PPP2R2B: variants seen among roughly 807,000 people sequenced by gnomAD.
The protein encoded by PPP2R2B is serine/threonine-protein phosphatase 2A 55 kDa regulatory subunit B beta isoform.
In PPP2R2B, 5 loss-of-function variants were observed where a neutral mutation model predicts 46.0. The ratio of observed to expected loss-of-function variants is 0.11; its 90% CI spans 0.06 to 0.23. PPP2R2B has a LOEUF of 0.23. Ranked by LOEUF, PPP2R2B falls within the 10% of genes least tolerant of loss-of-function variation. PPP2R2B has a pLI of 1.00. For missense variants in PPP2R2B, 367 were observed against 575.0 expected (o/e 0.64, Z 3.70); for synonymous variants, 215 against 206.7 (o/e 1.04, Z -0.34).
At chr5:146,649,216 G>A (rs2151092210) in intron 6 of PPP2R2B, among the ~76,000 whole-genome samples, 1 of 152,262 alleles carries the variant, frequency 6.6e-6, no homozygotes, top group East Asian at 1.9e-4. Flanking sequence ...AGGCTGGTAA[G>A]TGGAAGAGAA....
intron 5 of PPP2R2B, among the ~76,000 whole-genome samples, chr5:146,669,571 G>C (rs941752700): frequency 6.6e-6 from 1 of 151,998 alleles, no homozygotes; most frequent in African/African-American, 2.4e-5. Flanking sequence ...GATTTTTCAA[G>C]AGTATTTTTA....
chr5:147,006,169 A>G (rs1186692207), intron 1 of PPP2R2B, among the ~76,000 whole-genome samples: 1 of 152,214 alleles, frequency 6.6e-6, no homozygotes, highest in Admixed American at 6.5e-5. Context: ...AAAAGACGCA[A>G]TGGGTACTCA....
At chr5:147,068,797 C>A (rs112236387) in intron 2 of PPP2R2B, among the ~76,000 whole-genome samples, 1 of 152,104 alleles carries the variant, frequency 6.6e-6, no homozygotes, top group East Asian at 1.9e-4. Context: ...ATTTGGAAAT[C>A]ATTACTGCTT....
chr5:146,753,804 T>C (rs960422327), intron 2 of PPP2R2B, among the ~76,000 whole-genome samples: 9 of 152,276 alleles, frequency 5.9e-5, no homozygotes, highest in Non-Finnish European at 1.2e-4. Context: ...TGCATGTGAC[T>C]TCTCAGCTGC....
At chr5:146,606,310 A>G (rs955937376) in intron 7 of PPP2R2B, among the ~76,000 whole-genome samples, 1 of 152,088 alleles carries the variant, frequency 6.6e-6, no homozygotes, top group Non-Finnish European at 1.5e-5. Context: ...AGGGGTTAGG[A>G]GGGGCCCAAG....
intron 2 of PPP2R2B, among the ~76,000 whole-genome samples, chr5:146,812,779 GTGTGTATA>G (rs780604365): frequency 0.096 from 1,770 of 18,466 alleles, 338 homozygotes; most frequent in African/African-American, 0.11. Flanking sequence ...ATGTGTGTGT[GTGTGTATA>G]TGTGTGTATA....
At chr5:146,981,317 G>T (rs181294858) in intron 1 of PPP2R2B, among the ~76,000 whole-genome samples, 4 of 152,044 alleles carry the variant, frequency 2.6e-5, no homozygotes, top group Non-Finnish European at 4.4e-5. Flanking sequence ...ACAACTAGAA[G>T]TTTCTATTTT....
At chr5:146,853,582 A>C (rs1168490148) in intron 2 of PPP2R2B, among the ~76,000 whole-genome samples, 1 of 152,100 alleles carries the variant, frequency 6.6e-6, no homozygotes, top group Non-Finnish European at 1.5e-5. Context: ...GTGATTTCAA[A>C]ACCCTAATTG....
chr5:147,060,122 C>T (rs1757213242), upstream of PPP2R2B, among the ~76,000 whole-genome samples: 1 of 152,158 alleles, frequency 6.6e-6, no homozygotes, highest in African/African-American at 2.4e-5. Context: ...CAAATTCCTA[C>T]TCATTCTTCT....
chr5:146,899,062 A>G (rs1366344262), intron 1 of PPP2R2B, among the ~76,000 whole-genome samples: 5 of 151,750 alleles, frequency 3.3e-5, no homozygotes, highest in African/African-American at 4.9e-5. Flanking sequence ...GGAAGTCAGT[A>G]GGGCGATTCC....
At chr5:146,875,011 G>A (rs1008402256) in intron 2 of PPP2R2B, among the ~76,000 whole-genome samples, 1 of 152,202 alleles carries the variant, frequency 6.6e-6, no homozygotes, top group Non-Finnish European at 1.5e-5. Flanking sequence ...AATAAGAGCT[G>A]ATGGTTAAAG....
intron 2 of PPP2R2B, among the ~76,000 whole-genome samples, chr5:146,715,517 C>T (rs759962018): frequency 6.6e-6 from 1 of 152,172 alleles, no homozygotes; most frequent in Non-Finnish European, 1.5e-5. Context: ...ATAGATCCAT[C>T]GTCATATATT....
intron 2 of PPP2R2B, among the ~76,000 whole-genome samples, chr5:146,803,501 G>T (rs987069735): frequency 1.3e-5 from 2 of 152,068 alleles, no homozygotes; most frequent in Admixed American, 6.5e-5. Flanking sequence ...ATTTATTTAT[G>T]TTAAAAGAAA....
chr5:146,627,370 G>T (rs1774134518), intron 7 of PPP2R2B, among the ~76,000 whole-genome samples: 1 of 152,168 alleles, frequency 6.6e-6, no homozygotes, highest in Non-Finnish European at 1.5e-5. Flanking sequence ...TTCCATCAGG[G>T]ACCTGGGGAA....
chr5:146,599,823 G>A (rs322466), intron 8 of PPP2R2B, among the ~76,000 whole-genome samples: 103,656 of 151,950 alleles, frequency 0.68, 35,524 homozygotes, highest in South Asian at 0.74. Flanking sequence ...GACAGGCCCC[G>A]GTGTATGATG....
At chr5:146,751,368 G>A (rs1377732475) in intron 2 of PPP2R2B, 1 of 152,180 alleles carries the variant, frequency 6.6e-6, no homozygotes, top group East Asian at 1.9e-4. Flanking sequence ...CTTTCCAGAG[G>A]TGAACAGTTT....
intron 1 of PPP2R2B, among the ~76,000 whole-genome samples, chr5:146,892,381 C>T (rs1254301859): frequency 3.9e-5 from 6 of 152,174 alleles, no homozygotes; most frequent in African/African-American, 1.2e-4. Context: ...TTACAATTTC[C>T]TGTAAACCCT....
Position 146,698,351 on chromosome 5 carries a change from TAC to T in PPP2R2B, c.169-209_169-208del, listed in dbSNP as rs57285530. On this transcript the variant is annotated intron_variant, in intron 3 of 9. Coordinates refer to ENST00000394411, the MANE Select transcript of PPP2R2B (RefSeq NM_181675.4). ...ATATATATATATATATATATATATA[TAC>T]ACACACATATAATTATACACATGAA... 5.5e-3 allele frequency among the ~76,000 whole-genome samples: 562 copies of T among 102,938 alleles called. 19 individuals are homozygous for T. The highest frequency in any genetic ancestry group is 0.022 in the African/African-American group (541 of 25,108). The allele number at this position is 102,938 out of a possible 152,430, so 67.5% of individuals were successfully genotyped here. A position where few individuals can be genotyped will look rare whatever the true frequency, so the allele number is the denominator to read the frequency against.
At chr5:146,807,779 T>C (rs959628465) in intron 2 of PPP2R2B, among the ~76,000 whole-genome samples, 2 of 66,602 alleles carry the variant, frequency 3.0e-5, no homozygotes, top group African/African-American at 2.0e-4. Context: ...GTGCCTTCTT[T>C]TTTTTTTTTT....
Sources: allele counts gnomAD v4.1 joint callset (sites outside exome capture counted in the v4.1 genomes callset), GRCh38; gene constraint gnomAD v4.1.1; transcripts MANE v1.5; gene names NCBI Gene and HGNC (gene_info 2026-07-23, HGNC 2026-07-21).